The following DCLK3 variants were observed in gnomAD, a reference collection of about 807,000 sequenced individuals.
DCLK3 encodes the protein doublecortin like kinase 3, also known as serine/threonine-protein kinase DCLK3.
A neutral mutation model predicts 46.4 loss-of-function variants in DCLK3; 30 were observed. That is an observed-to-expected ratio of 0.65 (90% confidence interval 0.48 to 0.88). The LOEUF is 0.88. Ranked by LOEUF, DCLK3 falls within the 40% of genes least tolerant of loss-of-function variation. The pLI is 0.00. For missense variants in DCLK3, 846 were observed against 907.1 expected (o/e 0.93, Z 0.87); for synonymous variants, 401 against 339.2 (o/e 1.18, Z -2.00).
Position 36,739,041 on chromosome 3 carries a change from C to T in DCLK3, c.126G>A (p.Ser42=). Residue 42 remains serine (S), a synonymous_variant, in exon 2 of 5, where the codon TCG becomes TCA. Transcript: ENST00000636136. ...LCDHSLKYLS[S]RITERKLQGS... ...CTTGCAGCTTCCGCTCTGTGATTCT[C>T]GAGCTTAAATATTTTAGAGAATGGT... The T allele has an allele frequency of 2.5e-6, 1 of 398,792 alleles. No individual in the cohort carries two copies. Among genetic ancestry groups the T allele is most frequent in the Non-Finnish European group, 4.4e-6 (1 of 226,092 alleles). The allele number at this position is 398,792 out of a possible 1,614,324, so 24.7% of individuals were successfully genotyped here. A position where few individuals can be genotyped will look rare whatever the true frequency, so the allele number is the denominator to read the frequency against.
In DCLK3 at chr3:36,738,167, C is replaced by A. The variant is rs992460635; in HGVS notation, c.1000G>T (p.Asp334Tyr). The A allele has an allele frequency of 6.2e-7, 1 of 1,613,920 alleles. No homozygotes were observed. The highest frequency in any genetic ancestry group is 1.3e-5 in the African/African-American group (1 of 74,928). The part of the protein sequence containing the change: ...ERLSLGTSEL[D>Y]MGKGPMYDVE... Reference sequence around the variant, plus strand: ...TCATACATTGGGCCCTTCCCCATATCCAGCTCACTGGTCCCCAGAGAAAGC... The same window carrying A: ...TCATACATTGGGCCCTTCCCCATATACAGCTCACTGGTCCCCAGAGAAAGC... Residue 334 changes from aspartate (D) to tyrosine (Y), a missense_variant, in exon 2 of 5, where the codon GAT becomes TAT. Around this residue, in one of 3 missense-constraint regions of DCLK3, gnomAD observed 553 missense variants for 543.0 expected, o/e 1.02. Transcript: ENST00000636136.
chr3:36,730,013 C>CA (rs1701179277), intron 2 of DCLK3, among the ~76,000 whole-genome samples: 1 of 152,024 alleles, frequency 6.6e-6, no homozygotes, highest in Non-Finnish European at 1.5e-5. Flanking sequence ...CTCATCTCTA[C>CA]AAAAAATACC....
intron 1 of DCLK3, among the ~76,000 whole-genome samples, chr3:36,745,177 GA>G (rs1302856071): frequency 6.6e-5 from 10 of 152,014 alleles, no homozygotes; most frequent in Admixed American, 2.0e-4. Context: ...TTAGCATCAA[GA>G]AAAAAATAAA....
At chr3:36,754,083 A>T (rs906060753) in intron 1 of DCLK3, among the ~76,000 whole-genome samples, 1 of 152,232 alleles carries the variant, frequency 6.6e-6, no homozygotes, top group African/African-American at 2.4e-5. Flanking sequence ...ATCTTCAGTT[A>T]TGCAGTCTTT....
At chr3:36,760,771 G>T (rs905959754) in intron 1 of DCLK3, among the ~76,000 whole-genome samples, 2 of 152,152 alleles carry the variant, frequency 1.3e-5, no homozygotes, top group Non-Finnish European at 2.9e-5. Context: ...TATTCAAAAA[G>T]TACTGGCCCC....
rs1700930828 is a variant in DCLK3 at position 36,713,147 on chromosome 3, T to TAGTG, written c.*2177_*2180dup. On this transcript the variant is annotated 3_prime_UTR_variant, in exon 5 of 5. Coordinates refer to ENST00000636136, the MANE Select transcript of DCLK3 (RefSeq NM_001394672.2). ...AATTTTAGCTATTCTAATGGGTGTA[T>TAGTG]AGTGATATTTCATTGTGATTTTAAT... 6.6e-6 allele frequency: 1 copy of TAGTG among 152,200 alleles called. No homozygotes were observed. The highest frequency in any genetic ancestry group is 6.5e-5 in the Admixed American group (1 of 15,286). 9.4% of individuals were successfully genotyped at this position (152,200 alleles called of 1,614,324 possible).
chr3:36,724,041 G>A (rs1693643096), intron 2 of DCLK3, among the ~76,000 whole-genome samples: 1 of 152,182 alleles, frequency 6.6e-6, no homozygotes, highest in Non-Finnish European at 1.5e-5. Flanking sequence ...AACCACAGGA[G>A]CGGAGCTGCC....
At chr3:36,748,459 G>T (rs1297602178) in intron 1 of DCLK3, among the ~76,000 whole-genome samples, 1 of 152,170 alleles carries the variant, frequency 6.6e-6, no homozygotes, top group Non-Finnish European at 1.5e-5. Context: ...CCCCAGAACA[G>T]GCCCCAGGAC....
chr3:36,740,916 GA>G (rs964983770), intron 1 of DCLK3, among the ~76,000 whole-genome samples: 6 of 152,176 alleles, frequency 3.9e-5, no homozygotes, highest in Non-Finnish European at 7.3e-5. Flanking sequence ...AATCTACACA[GA>G]ATGTTTTTTG....
rs548887905 is a variant in DCLK3, at chr3:36,755,406, G to T, written c.82+8776C>A. On this transcript the variant is annotated intron_variant, in intron 1 of 4. Coordinates refer to ENST00000636136, the MANE Select transcript of DCLK3 (RefSeq NM_001394672.2). Reference sequence around the variant, plus strand: ...CCAAAATAGATACTACTTTATATGAGAATTTAACGTATAATGAAAGGTGAT... The same window carrying T: ...CCAAAATAGATACTACTTTATATGATAATTTAACGTATAATGAAAGGTGAT... Among the ~76,000 whole-genome samples, 14 of 152,184 alleles carry T rather than the reference G, an allele frequency of 9.2e-5. No homozygotes were observed. In the East Asian group the frequency reaches 2.7e-3, roughly 29 times the overall value.
intron 1 of DCLK3, among the ~76,000 whole-genome samples, chr3:36,761,208 G>T (rs547952081): frequency 6.6e-6 from 1 of 152,308 alleles, no homozygotes; most frequent in East Asian, 1.9e-4. Flanking sequence ...GAGATTGCCA[G>T]TTGTCTCTGT....
At chr3:36,746,934 T>C (rs1057244600) in intron 1 of DCLK3, among the ~76,000 whole-genome samples, 1 of 152,250 alleles carries the variant, frequency 6.6e-6, no homozygotes, top group African/African-American at 2.4e-5. Flanking sequence ...CTGATGCTGA[T>C]GCTGTTGGGC....
intron 2 of DCLK3, among the ~76,000 whole-genome samples, chr3:36,728,368 G>T (rs1027643456): frequency 1.3e-5 from 2 of 152,142 alleles, no homozygotes; most frequent in Non-Finnish European, 2.9e-5. Context: ...GGTGGGGGGT[G>T]GGGGGACGGT....
rs1001289510 is a variant in DCLK3, at chr3:36,749,324, T to C, written c.83-10240A>G. Among the ~76,000 whole-genome samples, 26 of 152,350 alleles carry C rather than the reference T, an allele frequency of 1.7e-4. No homozygotes were observed. The East Asian group carries it at 2.1e-3, about 12-fold the overall frequency. ...CTGACTGGATGCTCACAAGACTTCA[T>C]AGTTTCCTTTCCCTCCTTGGTTATC... On this transcript the variant is annotated intron_variant, in intron 1 of 4. Transcript: ENST00000636136.
intron 1 of DCLK3, among the ~76,000 whole-genome samples, chr3:36,751,086 A>AAAAAAAAAAAAAAT (rs1559394270): frequency 6.0e-5 from 9 of 150,054 alleles, no homozygotes; most frequent in South Asian, 2.1e-4. Context: ...AAAAAAAAAA[A>AAAAAAAAAAAAAAT]CTCCCCGAAG....
intron 1 of DCLK3, among the ~76,000 whole-genome samples, chr3:36,750,556 G>A (rs1701431926): frequency 6.6e-6 from 1 of 152,272 alleles, no homozygotes; most frequent in Non-Finnish European, 1.5e-5. Flanking sequence ...CTCACAAACT[G>A]CTTGTGTTGA....
intron 1 of DCLK3, among the ~76,000 whole-genome samples, chr3:36,749,617 C>G (rs1701421965): frequency 6.6e-6 from 1 of 152,200 alleles, no homozygotes. Context: ...GTGCCTGGAT[C>G]TGAAGACTCT....
chr3:36,736,435 G>C (rs1701264204), intron 2 of DCLK3, among the ~76,000 whole-genome samples: 1 of 152,124 alleles, frequency 6.6e-6, no homozygotes, highest in South Asian at 2.1e-4. Flanking sequence ...TTTTGCTTTT[G>C]TCTTGATCCA....
In DCLK3 at chr3:36,737,403, T is replaced by C. The variant is rs1481069405; in HGVS notation, c.1764A>G (p.Glu588=). 2 of 1,614,088 alleles carry C rather than the reference T, an allele frequency of 1.2e-6. No homozygotes were observed. The highest frequency in any genetic ancestry group is 2.7e-5 in the African/African-American group (2 of 74,934). The part of the protein sequence containing the change: ...LSHPNIVKLH[E]VYETDMEIYL... The stretch of plus-strand genomic sequence containing the variant: ...AGATTTCCATGTCTGTTTCGTAGAC[T>C]TCATGCAATTTCACGATGTTGGGGT... The change falls in exon 2 of 5, where the codon GAA becomes GAG. Residue 588 remains glutamate, a synonymous_variant. Transcript: ENST00000636136. This position sits in a 1 kb window ranked among gnomAD's most constrained non-coding sequence, Gnocchi z 4.4.
Sources: gnomAD v4.1 joint callset for allele counts (sites outside exome capture counted in the v4.1 genomes callset) on GRCh38, gnomAD v4.1.1 for gene constraint, gnomAD v4.1.1 regional missense constraint, Gnocchi (gnomAD v3.1) non-coding constraint, MANE v1.5 for transcripts, NCBI Gene and HGNC (gene_info 2026-07-23, HGNC 2026-07-21) for gene names.